MYH3: variants seen among roughly 807,000 people sequenced by gnomAD.
The protein encoded by MYH3 is myosin-3.
In MYH3, 130 loss-of-function variants were observed where a neutral mutation model predicts 238.0. The ratio of observed to expected loss-of-function variants is 0.55; its 90% CI spans 0.47 to 0.63. The LOEUF (loss-of-function observed/expected upper bound fraction) is 0.63. MYH3 is among the 30% of genes least tolerant of loss of function. The pLI, the probability that MYH3 is intolerant of heterozygous loss-of-function variation, is 0.00. For synonymous variants in MYH3, 880 were observed against 924.1 expected (o/e 0.95, Z 0.86); for missense variants, 1,853 against 2,374.9 (o/e 0.78, Z 4.57).
At chr17:10,660,749 G>C (rs530001825), upstream of MYH3, among the ~76,000 whole-genome samples, 1 of 151,650 alleles carries the variant, frequency 6.6e-6, no homozygotes, top group Admixed American at 6.6e-5. Flanking sequence ...GGGAGGCCAA[G>C]GCGGGTGGAT....
chr17:10,674,027 C>T, the MYH3 span: 2 of 152,132 alleles, frequency 1.3e-5, no homozygotes, highest in Non-Finnish European at 2.9e-5. Context: ...TGACTTTTTC[C>T]CCTTCCCTAT....
At chr17:10,647,839 A>T (rs541812704) in intron 8 of MYH3, among the ~76,000 whole-genome samples, 48 of 152,268 alleles carry the variant, frequency 3.2e-4, no homozygotes, top group Non-Finnish European at 5.3e-4. Context: ...CACCGTGCCC[A>T]GCACCCCCTA....
chr17:10,630,912 A>C (rs905079788), intron 36 of MYH3, among the ~76,000 whole-genome samples: 1 of 151,992 alleles, frequency 6.6e-6, no homozygotes, highest in Non-Finnish European at 1.5e-5. Context: ...GATGAAGCAC[A>C]CTCTGCCACC....
At chr17:10,666,580 A>G in the MYH3 span, among the ~76,000 whole-genome samples, 1 of 144,572 alleles carries the variant, frequency 6.9e-6, no homozygotes, top group Admixed American at 6.9e-5. Flanking sequence ...TGTCTCTACA[A>G]AAAAAAAAAA....
At chr17:10,634,248 A>G in intron 31 of MYH3, 66 bp from the exon 32 acceptor site, 1 of 1,579,686 alleles carries the variant, frequency 6.3e-7, no homozygotes. Flanking sequence ...CAAAATACTA[A>G]ATAACTAAAT....
In MYH3 at chr17:10,648,620, G is replaced by C; in HGVS notation, c.672C>G (p.Ala224=). ...TCCCAAAGGCCTCCAGCAGGGGATT[G>C]GCACTGATGATTTGATCTTCCAGAG... ...KGTLEDQIIS[A]NPLLEAFGNA... is the part of the protein sequence containing the mutation. Residue 224 remains alanine, a synonymous_variant, in exon 8 of 41, where the codon GCC becomes GCG. Transcript: ENST00000583535. The C allele has an allele frequency of 6.2e-7, 1 of 1,614,062 alleles. No individual in the cohort carries two copies. The highest frequency in any genetic ancestry group is 8.5e-7 in the Non-Finnish European group (1 of 1,179,936).
chr17:10,632,370 C>T, intron 34 of MYH3, 106 bp downstream of exon 34: 1 of 1,298,358 alleles, frequency 7.7e-7, no homozygotes, highest in Non-Finnish European at 1.1e-6. Context: ...CCTCTTGCCT[C>T]AGTCTCCCAG....
the MYH3 span, among the ~76,000 whole-genome samples, chr17:10,671,572 A>ATTTTT: frequency 3.6e-5 from 3 of 82,308 alleles, no homozygotes; most frequent in African/African-American, 5.0e-5. Context: ...TCTCAGGGTC[A>ATTTTT]TTTTTTTTTT....
Position 10,639,315 on chromosome 17 carries a change from C to A in MYH3, c.3085G>T (p.Glu1029Ter). 1.2e-6 allele frequency: 2 copies of A among 1,614,130 alleles called. No homozygotes were observed. Among genetic ancestry groups the A allele is most frequent in the Non-Finnish European group, 1.7e-6 (2 of 1,180,022 alleles). Residue 1029 changes from glutamate to a stop codon, truncating the protein, a stop_gained, in exon 24 of 41, where the codon GAA becomes TAA. Transcript: ENST00000583535. LOFTEE classifies it high-confidence loss of function. Reference sequence around the variant, plus strand: ...TTACTTACGTCTTCCACTTGCTGTTCCAGTTTGCTCTTGGTTTTGTTCAAA... The same window carrying A: ...TTACTTACGTCTTCCACTTGCTGTTACAGTTTGCTCTTGGTTTTGTTCAAA... The part of the protein sequence containing the change: ...NSLNKTKSKL[E>*]QQVEDLESSL...
At chr17:10,633,011 A>G (rs928336757) in intron 33 of MYH3, among the ~76,000 whole-genome samples, 5 of 152,202 alleles carry the variant, frequency 3.3e-5, no homozygotes, top group Admixed American at 2.6e-4. Flanking sequence ...CACGAGTTTG[A>G]GACCAGCCTG....
At chr17:10,644,748 T>C in intron 12 of MYH3, 46 bp from the exon 13 acceptor site, 1 of 1,449,326 alleles carries the variant, frequency 6.9e-7, no homozygotes, top group Non-Finnish European at 9.7e-7. Context: ...GAAGAGCTGC[T>C]TTGAAAATCA....
At chr17:10,669,566 CAAA>C in the MYH3 span, among the ~76,000 whole-genome samples, 28,216 of 96,084 alleles carry the variant, frequency 0.29, 3,044 homozygotes, top group Non-Finnish European at 0.34. Flanking sequence ...GAGTCCATCT[CAAA>C]AAAAAAAAAA....
intron 33 of MYH3, 80 bp from the exon 34 acceptor site, chr17:10,632,864 T>C: frequency 2.8e-6 from 4 of 1,439,198 alleles, no homozygotes; most frequent in Non-Finnish European, 3.9e-6. Flanking sequence ...TAACAAAACT[T>C]CAATGGAATA....
chr17:10,664,014 G>T, the MYH3 span, among the ~76,000 whole-genome samples: 1 of 133,706 alleles, frequency 7.5e-6, no homozygotes, highest in African/African-American at 2.9e-5. Flanking sequence ...AGTGAGCCAA[G>T]ATCGTGCCAT....
At position 10,652,520 on chromosome 17, in the gene MYH3, G is replaced by C. The variant is rs199513213; in HGVS notation, c.248C>G (p.Pro83Arg). ...CATGTCTTCGATCCTGTCGAACTTGGGGGGGTTCATGGCGTACACATCCTC... is the reference window on the plus strand; with the variant it reads ...CATGTCTTCGATCCTGTCGAACTTGCGGGGGTTCATGGCGTACACATCCTC... ...KPEDVYAMNP[P>R]KFDRIEDMAM... is the part of the protein sequence containing the mutation. The change falls in exon 4 of 41, where the codon CCC becomes CGC. Residue 83 changes from proline to arginine, a missense_variant. Pro to Arg is a moderately radical substitution (Grantham distance 103). Around this residue, in one of 3 missense-constraint regions of MYH3, gnomAD observed 131 missense variants for 123.5 expected, o/e 1.06. Transcript: ENST00000583535. 21 of 1,612,794 alleles carry C rather than the reference G, an allele frequency of 1.3e-5. No individual in the cohort carries two copies. In the Admixed American group the frequency reaches 2.0e-4, roughly 15 times the overall value.
At chr17:10,671,207 T>C in the MYH3 span, among the ~76,000 whole-genome samples, 1 of 152,296 alleles carries the variant, frequency 6.6e-6, no homozygotes, top group East Asian at 1.9e-4. Flanking sequence ...CTGTATCTTA[T>C]GGATGCCCTA....
In MYH3 at chr17:10,645,940, G is replaced by C. The variant is rs1373043780; in HGVS notation, c.991C>G (p.Leu331Val). The C allele has an allele frequency of 6.2e-7, 1 of 1,613,980 alleles. No individual in the cohort carries two copies. ...TTGGTTCCACTTACGTCTGTAGCCA[G>C]CAGCTCCTCTGCATCATCTATGCTG... is the stretch of plus-strand genomic sequence containing the variant. ...VASIDDAEEL[L>V]ATDSAIDILG... is the part of the protein sequence containing the mutation. Residue 331 changes from leucine (L) to valine (V), a missense_variant, in exon 11 of 41, where the codon CTG becomes GTG. Physicochemically the swap from Leu to Val is conservative, Grantham distance 32. Transcript: ENST00000583535.
chr17:10,648,955 G>A (rs1269040992), intron 7 of MYH3, among the ~76,000 whole-genome samples: 2 of 152,058 alleles, frequency 1.3e-5, no homozygotes, highest in African/African-American at 4.8e-5. Flanking sequence ...GATTACAGGC[G>A]TGAGCCACCG....
intron 20 of MYH3, 24 bp downstream of exon 20, chr17:10,640,539 C>A (rs1303327489): frequency 8.1e-6 from 13 of 1,614,138 alleles, no homozygotes; most frequent in Non-Finnish European, 1.1e-5. Context: ...AAAAGGCCAG[C>A]ATCTGTCAGA....
Sources: allele counts gnomAD v4.1 joint callset (sites outside exome capture counted in the v4.1 genomes callset), GRCh38; gene constraint gnomAD v4.1.1; regional missense constraint gnomAD v4.1.1; transcripts MANE v1.5; gene names NCBI Gene and HGNC (gene_info 2026-07-23, HGNC 2026-07-21).